ALOX12: variants seen among roughly 807,000 people sequenced by gnomAD.
ALOX12 encodes polyunsaturated fatty acid lipoxygenase ALOX12.
In ALOX12, 62 loss-of-function variants were observed where a neutral mutation model predicts 85.5. That is an observed-to-expected ratio of 0.73 (90% CI 0.59 to 0.90). The LOEUF (loss-of-function observed/expected upper bound fraction) is 0.90. Ranked by LOEUF, ALOX12 falls within the 40% of genes least tolerant of loss-of-function variation. The probability of loss-of-function intolerance (pLI) is 0.00; values close to 1 mark genes in which losing one functional copy is unlikely to be tolerated. For synonymous variants in ALOX12, 299 were observed against 332.7 expected, an observed-to-expected ratio of 0.90 and a Z score of 1.10; for missense variants, 751 against 856.5, an observed-to-expected ratio of 0.88 and a Z score of 1.54.
chr17:7,001,866 C>G, intron 8 of ALOX12, 55 bp downstream of exon 8: 1 of 1,486,896 alleles, frequency 6.7e-7, no homozygotes, highest in African/African-American at 1.4e-5. Context: ...AGAGGAACAG[C>G]CCCATATCAA....
At chr17:7,002,698 C>T (rs1280967323) in intron 8 of ALOX12, 9 of 307,718 alleles carry the variant, frequency 2.9e-5, no homozygotes, top group Non-Finnish European at 5.1e-5. Context: ...TGGGAGAAGG[C>T]AAAATAAGAC....
At position 7,004,148 on chromosome 17, in the gene ALOX12, A is replaced by T. The variant is rs1188572271; in HGVS notation, c.1162-1109A>T. 4.1e-4 allele frequency among the ~76,000 whole-genome samples: 48 copies of T among 115,938 alleles called. 1 individual carries two copies. The highest frequency in any genetic ancestry group is 6.6e-4 in the Non-Finnish European group (37 of 56,400). The allele number at this position is 115,938 out of a possible 152,430, so 76.1% of individuals were successfully genotyped here. On this transcript the variant is annotated intron_variant, in intron 8 of 13. Coordinates refer to ENST00000251535, the MANE Select transcript of ALOX12 (RefSeq NM_000697.3). ...AATTTTAAATAAATAATTAAAATTTAAATAAATTTAAATTTAAAATTTAAA... is the reference window on the plus strand; with the variant it reads ...AATTTTAAATAAATAATTAAAATTTTAATAAATTTAAATTTAAAATTTAAA...
At position 7,001,742 on chromosome 17, in the gene ALOX12, T is replaced by C. The variant is rs1042357; in HGVS notation, c.1092T>C (p.Thr364=). 1 of 1,613,690 alleles carries C rather than the reference T, an allele frequency of 6.2e-7. No individual in the cohort carries two copies. The highest frequency in any genetic ancestry group is 8.5e-7 in the Non-Finnish European group (1 of 1,179,904). ...AGATCCAGTATCACTTGCTGAACAC[T>C]CACCTGGTGGCTGAGGTCATCGCTG... ...LHEIQYHLLN[T]HLVAEVIAVA... The change falls in exon 8 of 14, where the codon ACT becomes ACC. Residue 364 remains threonine (T), a synonymous_variant. Transcript: ENST00000251535.
chr17:7,002,741 TTGA>T (rs1316346364), intron 8 of ALOX12: 1 of 283,412 alleles, frequency 3.5e-6, no homozygotes, highest in Admixed American at 5.2e-5. Flanking sequence ...TCTTAAAATC[TTGA>T]TGATACTTTA....
At chr17:7,004,211 TATTAA>T (rs905251778) in intron 8 of ALOX12, among the ~76,000 whole-genome samples, 329 of 141,938 alleles carry the variant, frequency 2.3e-3, no homozygotes, top group Non-Finnish European at 3.8e-3. Flanking sequence ...TTAATTTTAA[TATTAA>T]ATTAATTTAA....
At position 7,006,549 on chromosome 17, in the gene ALOX12, G is replaced by C. The variant is rs1020536889; in HGVS notation, c.1482G>C (p.Glu494Asp). 1.2e-6 allele frequency: 2 copies of C among 1,613,564 alleles called. No individual in the cohort carries two copies. Among genetic ancestry groups the C allele is most frequent in the African/African-American group, 1.3e-5 (1 of 74,904 alleles). The change falls in exon 11 of 14, where the codon GAG (glutamate) becomes GAC (aspartate). Residue 494 changes from glutamate to aspartate, a missense_variant. Glu to Asp is a conservative substitution (Grantham distance 45, BLOSUM62 2). Transcript: ENST00000251535. ...QRDDIVKGDP[E>D]LQAWCREITE... Reference sequence around the variant, plus strand: ...ATGACATAGTGAAGGGGGACCCTGAGCTGCAGGCCTGGTGTCGGGAGATCA... The same window carrying C: ...ATGACATAGTGAAGGGGGACCCTGACCTGCAGGCCTGGTGTCGGGAGATCA...
intron 5 of ALOX12, 88 bp from the exon 6 acceptor site, chr17:6,999,218 G>C: frequency 6.4e-7 from 1 of 1,555,400 alleles, no homozygotes; most frequent in Non-Finnish European, 8.8e-7. Context: ...GTTCAGGGAG[G>C]GTTATATACC....
intron 8 of ALOX12, chr17:7,002,081 A>G: frequency 2.1e-6 from 1 of 472,022 alleles, no homozygotes. Context: ...AACAAAAGCC[A>G]TATTCCTACC....
rs538883876 is a variant in ALOX12 at position 7,010,437 on chromosome 17, T to G, written c.*14T>G. Reference sequence around the variant, plus strand: ...GTCACCATCTGAGCCCTAGAGTGACTCTACCTGCAAGATTTCACATCAGCT... The same window carrying G: ...GTCACCATCTGAGCCCTAGAGTGACGCTACCTGCAAGATTTCACATCAGCT... On this transcript the variant is annotated 3_prime_UTR_variant, in exon 14 of 14. Coordinates refer to ENST00000251535, the MANE Select transcript of ALOX12 (RefSeq NM_000697.3). 6.2e-7 allele frequency: 1 copy of G among 1,604,904 alleles called. No individual in the cohort carries two copies. The highest frequency in any genetic ancestry group is 1.1e-5 in the South Asian group (1 of 89,942).
chr17:7,006,561 G>T lies in ALOX12; in HGVS notation c.1494G>T (p.Trp498Cys). Residue 498 changes from tryptophan to cysteine, a missense_variant, in exon 11 of 14, where the codon TGG becomes TGT. Trp to Cys is a radical substitution (Grantham distance 215). Coordinates refer to ENST00000251535, the MANE Select transcript of ALOX12 (RefSeq NM_000697.3). ...AGGGGGACCCTGAGCTGCAGGCCTG[G>T]TGTCGGGAGATCACGGAGGTGGGGC... ...IVKGDPELQA[W>C]CREITEVGLC... is the part of the protein sequence containing the mutation. 6.2e-7 allele frequency: 1 copy of T among 1,613,332 alleles called. No homozygotes were observed. The highest frequency in any genetic ancestry group is 8.5e-7 in the Non-Finnish European group (1 of 1,179,592).
Position 7,008,690 on chromosome 17 carries a change from G to A in ALOX12, c.1541-1057G>A, listed in dbSNP as rs113226092. ...GAACCTGAGAGGCGGAGGTTACAGT[G>A]AGCCGAGATTGTGCCACTGCACTCC... On this transcript the variant is annotated intron_variant, in intron 11 of 13. Coordinates refer to ENST00000251535, the MANE Select transcript of ALOX12 (RefSeq NM_000697.3). 7.3e-3 allele frequency among the ~76,000 whole-genome samples: 1,115 copies of A among 151,760 alleles called. 12 individuals are homozygous for A. Among genetic ancestry groups the A allele is most frequent in the African/African-American group, 0.025 (1,049 of 41,358 alleles).
intron 8 of ALOX12, among the ~76,000 whole-genome samples, chr17:7,004,962 G>A (rs1046020636): frequency 1.3e-5 from 2 of 152,178 alleles, no homozygotes; most frequent in Non-Finnish European, 2.9e-5. Context: ...TGAGATAAGA[G>A]AGTCTATTGC....
Position 6,999,042 on chromosome 17 carries a change from A to G in ALOX12, c.632A>G (p.Lys211Arg). ...EDFDQIFWGQKSALAEKVRQC... is the reference protein window; with the variant it reads ...EDFDQIFWGQRSALAEKVRQC... ...TTTGATCAGATCTTCTGGGGCCAGA[A>G]GAGTGCCCTGGCTGGTCAGTGGTTC... Residue 211 changes from lysine (K) to arginine (R), a missense_variant, in exon 5 of 14, where the codon AAG (lysine) becomes AGG (arginine). Transcript: ENST00000251535. 1 of 1,613,854 alleles carries G rather than the reference A, an allele frequency of 6.2e-7. No homozygotes were observed. Among genetic ancestry groups the G allele is most frequent in the Non-Finnish European group, 8.5e-7 (1 of 1,180,014 alleles).
rs1908668366 is a variant in ALOX12 at position 7,000,763 on chromosome 17, T to C, written c.951+284T>C. ...GAATGCCTGTTGAAATGCAGATTTC[T>C]GGATCCCATGACCAGACTTTCTGAT... On this transcript the variant is annotated intron_variant, in intron 7 of 13. Coordinates refer to ENST00000251535, the MANE Select transcript of ALOX12 (RefSeq NM_000697.3). This position sits in a 1 kb window ranked among gnomAD's most constrained non-coding sequence, Gnocchi z 4.6. Among the ~76,000 whole-genome samples, 1 of 152,202 alleles carries C rather than the reference T, an allele frequency of 6.6e-6. No homozygotes were observed. The highest frequency in any genetic ancestry group is 2.1e-4 in the South Asian group (1 of 4,830).
Position 6,996,258 on chromosome 17 carries a change from C to A in ALOX12, c.135+6C>A, listed in dbSNP as rs1319658170. 1 of 1,234,014 alleles carries A rather than the reference C, an allele frequency of 8.1e-7. No individual in the cohort carries two copies. 76.4% of individuals were successfully genotyped at this position (1,234,014 alleles called of 1,614,324 possible). Reference sequence around the variant, plus strand: ...TGCGGCCCGCGCGGGGCGAGGTCAGCGCGGGGAGCGAGGGGAGCTAGGGCA... The same window carrying A: ...TGCGGCCCGCGCGGGGCGAGGTCAGAGCGGGGAGCGAGGGGAGCTAGGGCA... On this transcript the variant is annotated splice_donor_region_variant and intron_variant, in intron 1 of 13. Coordinates refer to ENST00000251535, the MANE Select transcript of ALOX12 (RefSeq NM_000697.3).
Position 6,996,982 on chromosome 17 carries a change from C to G in ALOX12, c.292C>G (p.Arg98Gly). ...ACAEVAFPCY[R>G]WVQGEDILSL... is the part of the protein sequence containing the mutation. ...CGCGGAGGTGGCCTTCCCGTGCTAC[C>G]GCTGGGTGCAGGGCGAGGACATCCT... Residue 98 changes from arginine to glycine, a missense_variant, in exon 2 of 14, where the codon CGC (arginine) becomes GGC (glycine). Coordinates refer to ENST00000251535, the MANE Select transcript of ALOX12 (RefSeq NM_000697.3). 1 of 1,573,724 alleles carries G rather than the reference C, an allele frequency of 6.4e-7. No individual in the cohort carries two copies. The highest frequency in any genetic ancestry group is 8.6e-7 in the Non-Finnish European group (1 of 1,159,486).
chr17:7,007,908 A>G (rs886604741), intron 11 of ALOX12, among the ~76,000 whole-genome samples: 26 of 152,058 alleles, frequency 1.7e-4, no homozygotes, highest in Admixed American at 1.2e-3. Flanking sequence ...AAAACCACAC[A>G]CCATAGACTG....
chr17:6,999,681 C>T lies in ALOX12; in HGVS notation c.807+215C>T, dbSNP rs1009845786. ...GAAAATAGAATGGATCCCCAGCACACAGAGAGGGGCTGGAGATGTTAGCAG... is the reference window on the plus strand; with the variant it reads ...GAAAATAGAATGGATCCCCAGCACATAGAGAGGGGCTGGAGATGTTAGCAG... On this transcript the variant is annotated intron_variant, in intron 6 of 13. Transcript: ENST00000251535. 3 of 537,940 alleles carry T rather than the reference C, an allele frequency of 5.6e-6. No homozygotes were observed. The African/African-American group carries it at 5.7e-5, about 10-fold the overall frequency. The allele number at this position is 537,940 out of a possible 1,614,324, so 33.3% of individuals were successfully genotyped here. A position where few individuals can be genotyped will look rare whatever the true frequency, so the allele number is the denominator to read the frequency against.
intron 5 of ALOX12, 95 bp from the exon 6 acceptor site, chr17:6,999,211 C>A: frequency 6.5e-7 from 1 of 1,550,114 alleles, no homozygotes; most frequent in Non-Finnish European, 8.8e-7. Context: ...AAGCTGGGTT[C>A]AGGGAGGGTT....
Sources: gnomAD v4.1 joint callset for allele counts (sites outside exome capture counted in the v4.1 genomes callset) on GRCh38, gnomAD v4.1.1 for gene constraint, Gnocchi (gnomAD v3.1) non-coding constraint, MANE v1.5 for transcripts, NCBI Gene and HGNC (gene_info 2026-07-23, HGNC 2026-07-21) for gene names.